Variants in DYNC2H1 observed in about 807,000 individuals in gnomAD.
DYNC2H1 encodes the protein dynein cytoplasmic 2 heavy chain 1.
Under a neutral mutation model 570.0 loss-of-function variants are expected in DYNC2H1, and 410 were observed. The observed-to-expected ratio is 0.72, with a 90% CI of 0.66 to 0.78. The LOEUF is 0.78. Among genes scored for constraint, DYNC2H1 ranks in the 30% least tolerant of loss-of-function variants. DYNC2H1 has a pLI of 0.00. For missense variants in DYNC2H1, 4,865 were observed against 5,046.4 expected, an observed-to-expected ratio of 0.96 and a Z score of 1.09; for synonymous variants, 1,688 against 1,677.6, an observed-to-expected ratio of 1.01 and a Z score of -0.15.
chr11:103,323,037 T>A (rs752948103), intron 81 of DYNC2H1, among the ~76,000 whole-genome samples: 2 of 152,184 alleles, frequency 1.3e-5, no homozygotes, highest in Non-Finnish European at 2.9e-5. Flanking sequence ...TGGAAATACT[T>A]CAGGGTCAGC....
chr11:103,422,139 C>G (rs566403210), intron 84 of DYNC2H1, among the ~76,000 whole-genome samples: 6 of 152,140 alleles, frequency 3.9e-5, no homozygotes, highest in African/African-American at 1.2e-4. Context: ...AAGACTGAAG[C>G]AGGAAGAAAT....
At position 103,472,327 on chromosome 11, in the gene DYNC2H1, C is replaced by T. The variant is rs1165653401; in HGVS notation, c.12765+3622C>T. 6.6e-6 allele frequency among the ~76,000 whole-genome samples: 1 copy of T among 151,754 alleles called. No homozygotes were observed. Among genetic ancestry groups the T allele is most frequent in the Non-Finnish European group, 1.5e-5 (1 of 67,902 alleles). On this transcript the variant is annotated intron_variant, in intron 88 of 88. Coordinates refer to ENST00000375735, the MANE Select transcript of DYNC2H1 (RefSeq NM_001377.3). This position sits in a 1 kb window ranked among gnomAD's most constrained non-coding sequence, Gnocchi z 4.1. Reference sequence around the variant, plus strand: ...ATCACTTGAGCCCAGGAGTTAGAGCCTGGCTTGGGCAACATAGCAAGACCC... The same window carrying T: ...ATCACTTGAGCCCAGGAGTTAGAGCTTGGCTTGGGCAACATAGCAAGACCC...
chr11:103,331,687 C>A (rs1938803750), intron 82 of DYNC2H1, among the ~76,000 whole-genome samples: 1 of 152,122 alleles, frequency 6.6e-6, no homozygotes, highest in African/African-American at 2.4e-5. Flanking sequence ...ACAGAACAAT[C>A]CAGAGAACCA....
At chr11:103,413,389 TATGTTAA>T (rs1304193347) in intron 84 of DYNC2H1, among the ~76,000 whole-genome samples, 1 of 148,636 alleles carries the variant, frequency 6.7e-6, no homozygotes, top group Non-Finnish European at 1.5e-5. Context: ...ACATAATATT[TATGTTAA>T]ATAACAGTTT....
At chr11:103,175,258 T>G (rs1360678089) in intron 36 of DYNC2H1, among the ~76,000 whole-genome samples, 2 of 152,200 alleles carry the variant, frequency 1.3e-5, no homozygotes, top group African/African-American at 4.8e-5. Flanking sequence ...AATTACCTCT[T>G]TGGACTTTAA....
chr11:103,234,743 TC>T (rs1864158122), intron 61 of DYNC2H1, among the ~76,000 whole-genome samples: 1 of 151,898 alleles, frequency 6.6e-6, no homozygotes, highest in Non-Finnish European at 1.5e-5. Context: ...GAGCTACATT[TC>T]CAGACTACTG....
At chr11:103,338,837 T>C (rs1372351580) in intron 82 of DYNC2H1, among the ~76,000 whole-genome samples, 1 of 152,164 alleles carries the variant, frequency 6.6e-6, no homozygotes, top group African/African-American at 2.4e-5. Context: ...TTTAGTCTGT[T>C]TGGTGAGGTC....
At chr11:103,165,865 C>A (rs769194465) in intron 30 of DYNC2H1, 33 bp from the exon 31 acceptor site, 3 of 1,406,964 alleles carry the variant, frequency 2.1e-6, no homozygotes, top group Non-Finnish European at 1.9e-6. Flanking sequence ...GTAAATTCAC[C>A]TTTTAAAAAT....
intron 50 of DYNC2H1, among the ~76,000 whole-genome samples, chr11:103,202,457 C>T (rs577634028): frequency 2.6e-5 from 4 of 152,020 alleles, no homozygotes; most frequent in African/African-American, 9.6e-5. Context: ...GGCTTGGTTT[C>T]TTTTTTCTAT....
At chr11:103,271,577 A>G (rs1439803832) in intron 70 of DYNC2H1, among the ~76,000 whole-genome samples, 1 of 152,200 alleles carries the variant, frequency 6.6e-6, no homozygotes, top group East Asian at 1.9e-4. Context: ...TTTGAGGATC[A>G]TGGGGTTTAT....
In DYNC2H1 at chr11:103,456,179, T is replaced by TC. The variant is rs1232621604; in HGVS notation, c.12567-96_12567-95insC. 976 of 902,606 alleles carry TC rather than the reference T, an allele frequency of 1.1e-3. 7 individuals carry two copies. The African/African-American group carries it at 0.015, about 14-fold the overall frequency. The allele number at this position is 902,606 out of a possible 1,614,324, so 55.9% of individuals were successfully genotyped here. A position where few individuals can be genotyped will look rare whatever the true frequency, so the allele number is the denominator to read the frequency against. On this transcript the variant is annotated intron_variant, in intron 86 of 88. Coordinates refer to ENST00000375735, the MANE Select transcript of DYNC2H1 (RefSeq NM_001377.3). ...TTATTATTTACACATGGTAAATATT[T>TC]TAATTTTAAATAAATAGGACTATAT...
intron 22 of DYNC2H1, 61 bp downstream of exon 22, chr11:103,153,569 T>C: frequency 7.2e-7 from 1 of 1,389,114 alleles, no homozygotes; most frequent in Non-Finnish European, 9.8e-7. Flanking sequence ...TATATCAAGC[T>C]AGTAATTTTC....
rs1861753117 is a variant in DYNC2H1, at chr11:103,179,243, A to T, written c.6347+10A>T. ...GAATGATCTTTCTTAGGTAAGCCAT[A>T]GATTATTTATATACAGTATATTAGA... On this transcript the variant is annotated intron_variant, in intron 39 of 88. Coordinates refer to ENST00000375735, the MANE Select transcript of DYNC2H1 (RefSeq NM_001377.3). 1 of 1,611,294 alleles carries T rather than the reference A, an allele frequency of 6.2e-7. No individual in the cohort carries two copies. Among genetic ancestry groups the T allele is most frequent in the South Asian group, 1.1e-5 (1 of 90,980 alleles).
At chr11:103,192,001 G>A in intron 46 of DYNC2H1, 96 bp from the exon 47 acceptor site, 2 of 956,622 alleles carry the variant, frequency 2.1e-6, no homozygotes, top group Non-Finnish European at 2.9e-6. Context: ...CCAAAATTAT[G>A]GTATGTAGAC....
At chr11:103,156,844 T>C (rs1394905354) in intron 26 of DYNC2H1, 74 bp downstream of exon 26, 1 of 1,527,502 alleles carries the variant, frequency 6.5e-7, no homozygotes, top group Non-Finnish European at 8.7e-7. Flanking sequence ...AAGTGCTTAA[T>C]ACAGGCAAAT....
chr11:103,471,671 C>T (rs911258856), intron 88 of DYNC2H1, among the ~76,000 whole-genome samples: 1 of 152,150 alleles, frequency 6.6e-6, no homozygotes, highest in South Asian at 2.1e-4. Context: ...TTTTAGTTTA[C>T]CAGTACTTTC....
intron 48 of DYNC2H1, 86 bp downstream of exon 48, chr11:103,198,149 A>G (rs1862574687): frequency 1.4e-6 from 2 of 1,401,940 alleles, no homozygotes; most frequent in African/African-American, 2.9e-5. Flanking sequence ...GAGGGCATGA[A>G]TATGATAGAT....
At chr11:103,321,745 C>G (rs563508965) in intron 81 of DYNC2H1, among the ~76,000 whole-genome samples, 1 of 151,882 alleles carries the variant, frequency 6.6e-6, no homozygotes, top group East Asian at 1.9e-4. Flanking sequence ...TGCCTTGAGC[C>G]GTCACATGAA....
chr11:103,185,069 C>T lies in DYNC2H1; in HGVS notation c.6633+18C>T. The T allele has an allele frequency of 6.3e-7, 1 of 1,597,002 alleles. No individual in the cohort carries two copies. The highest frequency in any genetic ancestry group is 1.7e-5 in the Admixed American group (1 of 58,908). On this transcript the variant is annotated intron_variant, in intron 41 of 88. Transcript: ENST00000375735. This position sits in a 1 kb window ranked among gnomAD's most constrained non-coding sequence, Gnocchi z 4.5. Reference sequence around the variant, plus strand: ...CCAAAGAGGTAATGCATATTTATAGCCTATATTTAGTCAAAACTTTAACTT... The same window carrying T: ...CCAAAGAGGTAATGCATATTTATAGTCTATATTTAGTCAAAACTTTAACTT...
Sources: allele counts gnomAD v4.1 joint callset (sites outside exome capture counted in the v4.1 genomes callset), GRCh38; gene constraint gnomAD v4.1.1; non-coding constraint Gnocchi (gnomAD v3.1); transcripts MANE v1.5; gene names NCBI Gene and HGNC (gene_info 2026-07-23, HGNC 2026-07-21).